DRAM1: variants seen among roughly 807,000 people sequenced by gnomAD.
DRAM1 encodes the protein DNA damage regulated autophagy modulator 1.
In DRAM1, 25 loss-of-function variants were observed where a neutral mutation model predicts 28.5. That is an observed-to-expected ratio of 0.88 (90% CI 0.64 to 1.23). DRAM1 has a LOEUF of 1.23. Ranked by LOEUF, DRAM1 falls within the 50% of genes most tolerant of loss-of-function variation. The pLI, the probability that DRAM1 is intolerant of heterozygous loss-of-function variation, is 0.00. For missense variants in DRAM1, 249 were observed against 299.2 expected, an observed-to-expected ratio of 0.83 and a Z score of 1.24; for synonymous variants, 113 against 114.2, an observed-to-expected ratio of 0.99 and a Z score of 0.07.
chr12:101,879,208 G>C (rs756360219), intron 1 of DRAM1, among the ~76,000 whole-genome samples: 6 of 152,108 alleles, frequency 3.9e-5, no homozygotes, highest in Non-Finnish European at 5.9e-5. Context: ...ATGTTGGTCA[G>C]GCTGGTCTCA....
intron 4 of DRAM1, among the ~76,000 whole-genome samples, chr12:101,913,357 A>T (rs1874111470): frequency 6.6e-6 from 1 of 152,124 alleles, no homozygotes; most frequent in Non-Finnish European, 1.5e-5. Context: ...TTGTTTTTGT[A>T]TATGAGCCTT....
rs1284559501 is a variant in DRAM1 at position 101,883,033 on chromosome 12, C to T, written c.131+5113C>T. 3.3e-5 allele frequency among the ~76,000 whole-genome samples: 5 copies of T among 151,044 alleles called. No individual in the cohort carries two copies. In the East Asian group the frequency reaches 8.5e-4, roughly 26 times the overall value. On this transcript the variant is annotated intron_variant, in intron 1 of 6. Transcript: ENST00000258534. ...TACTTCAAGTGAAAGCTCTCTGTAC[C>T]TAGCAGATTTTTACGTCAATACACT...
chr12:101,909,243 A>G (rs1312932509), intron 4 of DRAM1, among the ~76,000 whole-genome samples: 1 of 144,732 alleles, frequency 6.9e-6, no homozygotes, highest in East Asian at 1.9e-4. Context: ...CCTGGGCAAC[A>G]AGAGTGAAAC....
intron 1 of DRAM1, among the ~76,000 whole-genome samples, chr12:101,882,953 C>A (rs1006165424): frequency 6.8e-6 from 1 of 146,152 alleles, no homozygotes; most frequent in Non-Finnish European, 1.5e-5. Flanking sequence ...TTGGAAACTA[C>A]AAATGACTAT....
At chr12:101,905,552 G>A (rs1246754444) in intron 3 of DRAM1, among the ~76,000 whole-genome samples, 1 of 151,936 alleles carries the variant, frequency 6.6e-6, no homozygotes, top group Non-Finnish European at 1.5e-5. Flanking sequence ...AAAGTGATGA[G>A]TTTACAGACA....
At chr12:101,883,803 G>A (rs1351352537) in intron 1 of DRAM1, among the ~76,000 whole-genome samples, 8 of 151,410 alleles carry the variant, frequency 5.3e-5, no homozygotes, top group Non-Finnish European at 8.8e-5. Context: ...GGGCATGGTG[G>A]CATGTGCCTG....
chr12:101,877,754 T>C lies in DRAM1; in HGVS notation c.-36T>C, dbSNP rs922858793. ...GGAGCAACCCGGCGCCCGGCCCCGC[T>C]GGGCGCAGCACTCCGTCGGCGGCGG... On this transcript the variant is annotated 5_prime_UTR_variant, in exon 1 of 7. Coordinates refer to ENST00000258534, the MANE Select transcript of DRAM1 (RefSeq NM_018370.3). This position sits in a 1 kb window ranked among gnomAD's most constrained non-coding sequence, Gnocchi z 4.1. 1.4e-6 allele frequency: 2 copies of C among 1,421,440 alleles called. No homozygotes were observed. The highest frequency in any genetic ancestry group is 6.2e-5 in the East Asian group (2 of 32,512). The allele number at this position is 1,421,440 out of a possible 1,614,324, so 88.1% of individuals were successfully genotyped here.
At chr12:101,919,147 C>A (rs1874373284) in intron 5 of DRAM1, among the ~76,000 whole-genome samples, 1 of 151,856 alleles carries the variant, frequency 6.6e-6, no homozygotes, top group South Asian at 2.1e-4. Context: ...CTCAAGTGAT[C>A]CTCCTGCCTC....
At chr12:101,882,255 C>T (rs1566118936) in intron 1 of DRAM1, among the ~76,000 whole-genome samples, 2 of 150,608 alleles carry the variant, frequency 1.3e-5, no homozygotes, top group Non-Finnish European at 2.9e-5. Flanking sequence ...ACTACAGGCG[C>T]CCGCCACCCC....
rs557561478 is a variant in DRAM1, at chr12:101,888,370, A to G, written c.132-9493A>G. Reference sequence around the variant, plus strand: ...GGTCTCGAACTCTTGACCTCAGGCGATCCACCCACCTCAGCCTCCCGAAGT... The same window carrying G: ...GGTCTCGAACTCTTGACCTCAGGCGGTCCACCCACCTCAGCCTCCCGAAGT... On this transcript the variant is annotated intron_variant, in intron 1 of 6. Transcript: ENST00000258534. Among the ~76,000 whole-genome samples, 60 of 152,190 alleles carry G rather than the reference A, an allele frequency of 3.9e-4. 1 individual carries two copies. Among genetic ancestry groups the G allele is most frequent in the African/African-American group, 1.4e-3 (57 of 41,522 alleles).
chr12:101,884,383 A>AG (rs1566119758), intron 1 of DRAM1, among the ~76,000 whole-genome samples: 1 of 151,290 alleles, frequency 6.6e-6, no homozygotes, highest in African/African-American at 2.4e-5. Flanking sequence ...AAAAAAAAAA[A>AG]AAAAAAAAGA....
chr12:101,906,970 G>A (rs992209102), intron 3 of DRAM1, among the ~76,000 whole-genome samples: 11 of 151,868 alleles, frequency 7.2e-5, no homozygotes, highest in Admixed American at 3.9e-4. Flanking sequence ...ACTGGCACAG[G>A]GGCTGCCTTC....
At chr12:101,905,761 A>T (rs1275425819) in intron 3 of DRAM1, among the ~76,000 whole-genome samples, 1 of 148,416 alleles carries the variant, frequency 6.7e-6, no homozygotes, top group Non-Finnish European at 1.5e-5. Flanking sequence ...ATCTGATTTT[A>T]TTTATTTATT....
At chr12:101,908,815 G>T (rs963629437) in intron 4 of DRAM1, among the ~76,000 whole-genome samples, 1 of 149,136 alleles carries the variant, frequency 6.7e-6, no homozygotes, top group Non-Finnish European at 1.5e-5. Context: ...AGTTTCAGGG[G>T]CTTGACTAAA....
chr12:101,921,160 C>G, intron 6 of DRAM1, 56 bp from the exon 7 acceptor site: 2 of 1,256,434 alleles, frequency 1.6e-6, no homozygotes, highest in Admixed American at 3.4e-5. Flanking sequence ...ATGTCATTGT[C>G]AACGCTGGGA....
intron 1 of DRAM1, 88 bp from the exon 2 acceptor site, chr12:101,897,775 A>T: frequency 1.1e-6 from 1 of 898,518 alleles, no homozygotes; most frequent in Non-Finnish European, 1.8e-6. Flanking sequence ...TAAAAGAAAC[A>T]GAATATAAAA....
At chr12:101,882,046 A>G (rs1324240807) in intron 1 of DRAM1, among the ~76,000 whole-genome samples, 1 of 151,610 alleles carries the variant, frequency 6.6e-6, no homozygotes, top group East Asian at 1.9e-4. Context: ...CAGTGATTTG[A>G]AAGTCCTTAG....
At chr12:101,917,537 A>T (rs1874295039) in intron 5 of DRAM1, among the ~76,000 whole-genome samples, 1 of 150,100 alleles carries the variant, frequency 6.7e-6, no homozygotes, top group Middle Eastern at 3.4e-3. Flanking sequence ...AAAAAAAAAA[A>T]ATTTTTGGTG....
chr12:101,889,499 AAGGAAAGGAAGGAAGGAAAGG>A (rs1873017600), intron 1 of DRAM1, among the ~76,000 whole-genome samples: 1 of 147,502 alleles, frequency 6.8e-6, no homozygotes, highest in Non-Finnish European at 1.5e-5. Context: ...GGAAGTAAGG[AAGGAAAGGAAGGAAGGAAAGG>A]AAGGAAGGAA....
Sources: gnomAD v4.1 joint callset for allele counts (sites outside exome capture counted in the v4.1 genomes callset) on GRCh38, gnomAD v4.1.1 for gene constraint, Gnocchi (gnomAD v3.1) non-coding constraint, MANE v1.5 for transcripts, NCBI Gene and HGNC (gene_info 2026-07-23, HGNC 2026-07-21) for gene names.